MEGF11: variants seen among roughly 807,000 people sequenced by gnomAD.
MEGF11 encodes the protein multiple EGF like domains 11, also known as multiple epidermal growth factor-like domains protein 11.
Under a neutral mutation model 146.6 loss-of-function variants are expected in MEGF11, and 126 were observed. That is an observed-to-expected ratio of 0.86 (90% CI 0.74 to 1.00). The LOEUF is 1.00. MEGF11 is among the 50% of genes least tolerant of loss of function. The pLI is 0.00. For synonymous variants in MEGF11, 532 were observed against 583.4 expected (o/e 0.91, Z 1.27); for missense variants, 1,509 against 1,521.2 (o/e 0.99, Z 0.13).
At position 66,128,357 on chromosome 15, in the gene MEGF11, G is replaced by A. The variant is rs1267679167; in HGVS notation, c.47C>T (p.Ala16Val). Residue 16 changes from alanine (A) to valine (V), a missense_variant, in exon 2 of 26, where the codon GCC (alanine) becomes GTC (valine). By Grantham distance (64) the Ala-to-Val change is moderately conservative. Transcript: ENST00000395614. ...TGLIAFSFLQ[A>V]TLALNPEDPN... is the part of the protein sequence containing the mutation. ...GTCCTCGGGGTTCAGGGCAAGGGTG[G>A]CTTGCAGGAAGGAGAAGGCAATGAG... 1.3e-6 allele frequency: 2 copies of A among 1,525,710 alleles called. No individual in the cohort carries two copies. The highest frequency in any genetic ancestry group is 1.8e-6 in the Non-Finnish European group (2 of 1,134,912). 94.5% of individuals were successfully genotyped at this position (1,525,710 alleles called of 1,614,324 possible). A position where few individuals can be genotyped will look rare whatever the true frequency, so the allele number is the denominator to read the frequency against.
intron 5 of MEGF11, among the ~76,000 whole-genome samples, chr15:66,065,934 G>C (rs1256533913): frequency 6.6e-6 from 1 of 152,204 alleles, no homozygotes; most frequent in East Asian, 1.9e-4. Flanking sequence ...GGTGAGGGCT[G>C]TGCCTTGGTG....
intron 13 of MEGF11, among the ~76,000 whole-genome samples, chr15:65,923,248 T>G (rs1370691000): frequency 6.6e-6 from 1 of 152,192 alleles, no homozygotes; most frequent in East Asian, 1.9e-4. Flanking sequence ...TGAAAGAAAT[T>G]ACAAATAGCA....
chr15:66,057,980 A>G (rs2140390376), intron 5 of MEGF11, among the ~76,000 whole-genome samples: 1 of 152,366 alleles, frequency 6.6e-6, no homozygotes, highest in African/African-American at 2.4e-5. Flanking sequence ...ATTAATTGCC[A>G]CACAAAAAGA....
chr15:66,120,191 C>T (rs1395025079), intron 3 of MEGF11, among the ~76,000 whole-genome samples: 3 of 152,108 alleles, frequency 2.0e-5, no homozygotes, highest in African/African-American at 7.2e-5. Flanking sequence ...TTACAGACGG[C>T]CACAGTGAAG....
At chr15:66,168,050 T>G (rs1031812359) in intron 1 of MEGF11, among the ~76,000 whole-genome samples, 2 of 152,054 alleles carry the variant, frequency 1.3e-5, no homozygotes, top group Non-Finnish European at 2.9e-5. Flanking sequence ...CCACATCTGA[T>G]CCTATCAACC....
chr15:66,209,262 A>G (rs1341680448), intron 1 of MEGF11, among the ~76,000 whole-genome samples: 1 of 151,922 alleles, frequency 6.6e-6, no homozygotes, highest in African/African-American at 2.4e-5. Context: ...AGGCAAGAGA[A>G]TGGCGTGAAC....
At chr15:66,058,672 C>G (rs574058897) in intron 5 of MEGF11, among the ~76,000 whole-genome samples, 36 of 152,278 alleles carry the variant, frequency 2.4e-4, no homozygotes, top group African/African-American at 7.5e-4. Context: ...CAGTCATTCT[C>G]TCTCTGTAGG....
chr15:66,197,478 A>G (rs1205566593), intron 1 of MEGF11, among the ~76,000 whole-genome samples: 1 of 152,080 alleles, frequency 6.6e-6, no homozygotes, highest in Non-Finnish European at 1.5e-5. Context: ...GCTGGAGTGC[A>G]GTGGTGCGAT....
chr15:65,931,999 G>A (rs965781523), intron 10 of MEGF11, among the ~76,000 whole-genome samples: 2 of 152,140 alleles, frequency 1.3e-5, no homozygotes, highest in Admixed American at 6.5e-5. Flanking sequence ...TTACATTACC[G>A]GGGATCCTAA....
chr15:66,004,009 T>C (rs540969422), intron 5 of MEGF11, among the ~76,000 whole-genome samples: 3 of 152,316 alleles, frequency 2.0e-5, no homozygotes, highest in Non-Finnish European at 2.9e-5. Context: ...GGGGGTAGGC[T>C]GAGGAACTTT....
intron 5 of MEGF11, among the ~76,000 whole-genome samples, chr15:66,076,089 A>G (rs2085563907): frequency 1.3e-5 from 2 of 152,208 alleles, no homozygotes; most frequent in Admixed American, 1.3e-4. Context: ...GTATGCATAG[A>G]TGGACAGATG....
At chr15:66,147,770 G>A (rs1391493914) in intron 1 of MEGF11, among the ~76,000 whole-genome samples, 3 of 152,242 alleles carry the variant, frequency 2.0e-5, no homozygotes, top group South Asian at 2.1e-4. Flanking sequence ...CACACCTTGT[G>A]AGCCAGGACT....
At chr15:66,018,965 C>A (rs1342379795) in intron 5 of MEGF11, among the ~76,000 whole-genome samples, 2 of 152,208 alleles carry the variant, frequency 1.3e-5, no homozygotes, top group African/African-American at 2.4e-5. Flanking sequence ...GCAGAGTCAT[C>A]TGCTCTGCCC....
At chr15:66,002,134 C>T (rs1215958694) in intron 5 of MEGF11, among the ~76,000 whole-genome samples, 3 of 152,142 alleles carry the variant, frequency 2.0e-5, no homozygotes, top group East Asian at 1.9e-4. Flanking sequence ...GGTTTTCTTG[C>T]CTGCATCTTG....
intron 1 of MEGF11, among the ~76,000 whole-genome samples, chr15:66,178,451 C>T (rs916915433): frequency 6.6e-6 from 1 of 152,096 alleles, no homozygotes; most frequent in African/African-American, 2.4e-5. Context: ...AGTGGTGTAC[C>T]CTGGTCTGTT....
chr15:65,978,572 G>A (rs1303901658), intron 7 of MEGF11, among the ~76,000 whole-genome samples: 1 of 152,188 alleles, frequency 6.6e-6, no homozygotes, highest in Non-Finnish European at 1.5e-5. Context: ...CCTCAGCAGT[G>A]TCTCCAGAGA....
At chr15:66,146,594 G>A (rs1343682116) in intron 1 of MEGF11, among the ~76,000 whole-genome samples, 1 of 152,202 alleles carries the variant, frequency 6.6e-6, no homozygotes, top group Admixed American at 6.5e-5. Flanking sequence ...CTCCCACAGA[G>A]GCCTCTATCC....
chr15:65,990,322 A>G (rs333574), intron 5 of MEGF11, among the ~76,000 whole-genome samples: 19,687 of 152,254 alleles, frequency 0.13, 1,450 homozygotes, highest in African/African-American at 0.19. Context: ...AGGCTGAGGC[A>G]GAAGGGTAGC....
intron 8 of MEGF11, among the ~76,000 whole-genome samples, chr15:65,969,777 A>C (rs1217876218): frequency 3.3e-5 from 5 of 152,144 alleles, no homozygotes; most frequent in Non-Finnish European, 7.4e-5. Context: ...GGATCCCCAC[A>C]GAACCAGGCA....
Sources: gnomAD v4.1 joint callset for allele counts (sites outside exome capture counted in the v4.1 genomes callset) on GRCh38, gnomAD v4.1.1 for gene constraint, MANE v1.5 for transcripts, NCBI Gene and HGNC (gene_info 2026-07-23, HGNC 2026-07-21) for gene names.